STAG1: variants seen among roughly 807,000 people sequenced by gnomAD.
STAG1 encodes the protein STAG1 cohesin complex component.
In STAG1, 26 loss-of-function variants were observed where a neutral mutation model predicts 170.9. The ratio of observed to expected loss-of-function variants is 0.15; its 90% CI spans 0.11 to 0.21. The LOEUF (loss-of-function observed/expected upper bound fraction) is 0.21. Among genes scored for constraint, STAG1 ranks in the 10% least tolerant of loss-of-function variants. STAG1 has a pLI of 1.00. For missense variants in STAG1, 964 were observed against 1,509.5 expected (o/e 0.64, Z 5.99); for synonymous variants, 514 against 497.7 (o/e 1.03, Z -0.44).
chr3:136,470,498 G>A (rs1477778328), intron 12 of STAG1, among the ~76,000 whole-genome samples: 5 of 152,220 alleles, frequency 3.3e-5, no homozygotes, highest in Non-Finnish European at 7.3e-5. Flanking sequence ...AGATGTTGGA[G>A]AGGATGGGGA....
At chr3:136,369,057 T>C (rs1232157309) in intron 24 of STAG1, 51 bp downstream of exon 24, 5 of 1,381,060 alleles carry the variant, frequency 3.6e-6, no homozygotes, top group Non-Finnish European at 4.8e-6. Context: ...CTCCTATCTT[T>C]TGGGGTTGGT....
chr3:136,366,918 GA>G, intron 25 of STAG1, 24 bp downstream of exon 25: 1 of 1,529,510 alleles, frequency 6.5e-7, no homozygotes, highest in South Asian at 1.3e-5. Flanking sequence ...AGAGGAAGGA[GA>G]AAAATAAGAA....
intron 7 of STAG1, among the ~76,000 whole-genome samples, chr3:136,505,417 T>C (rs1322168512): frequency 1.3e-5 from 2 of 152,198 alleles, no homozygotes; most frequent in African/African-American, 2.4e-5. Context: ...GAGCAAAAAA[T>C]TGAAAACATT....
chr3:136,630,750 T>C (rs1460733130), intron 2 of STAG1, 120 bp downstream of exon 2: 5 of 758,292 alleles, frequency 6.6e-6, no homozygotes, highest in South Asian at 4.9e-5. Flanking sequence ...TGCAAAGATA[T>C]TGTCCCAATA....
rs1220765532 is a variant in STAG1, at chr3:136,741,952, CAG to C, written c.-84+10241_-84+10242del. On this transcript the variant is annotated intron_variant, in intron 1 of 33. Coordinates refer to ENST00000383202, the MANE Select transcript of STAG1 (RefSeq NM_005862.3). ...TCAAGGAAAAGATTATTACCAGAAA[CAG>C]AGAGACATTTCATCACAATAAAAAG... Among the ~76,000 whole-genome samples, 3 of 152,052 alleles carry C rather than the reference CAG, an allele frequency of 2.0e-5. No individual in the cohort carries two copies. The East Asian group carries it at 5.8e-4, about 29-fold the overall frequency.
rs543686244 is a variant in STAG1, at chr3:136,501,290, A to G, written c.829-994T>C. 3.3e-5 allele frequency among the ~76,000 whole-genome samples: 5 copies of G among 152,322 alleles called. No individual in the cohort carries two copies. In the East Asian group the frequency reaches 9.6e-4, roughly 29 times the overall value. ...TAATATTTCAAGTATGGTATGTGTG[A>G]AGGGTTAAACTATGTTCCTTAAAAA... On this transcript the variant is annotated intron_variant, in intron 8 of 33. Transcript: ENST00000383202.
intron 4 of STAG1, among the ~76,000 whole-genome samples, chr3:136,590,513 AC>A (rs1485379181): frequency 1.5e-4 from 23 of 152,020 alleles, no homozygotes; most frequent in African/African-American, 5.5e-4. Flanking sequence ...AAAAAAAAAA[AC>A]AAAAACAAAA....
At chr3:136,356,383 A>C (rs1936654501) in intron 28 of STAG1, among the ~76,000 whole-genome samples, 1 of 152,122 alleles carries the variant, frequency 6.6e-6, no homozygotes, top group Admixed American at 6.5e-5. Context: ...GTTATATTTA[A>C]AAAATCGACT....
intron 3 of STAG1, among the ~76,000 whole-genome samples, chr3:136,618,624 G>C (rs151284607): frequency 1.3e-3 from 205 of 152,240 alleles, no homozygotes; most frequent in South Asian, 5.8e-3. Flanking sequence ...GAGGGGTTAA[G>C]GTTAGAGAGG....
Position 136,477,978 on chromosome 3 carries a change from T to C in STAG1, c.903-566A>G, listed in dbSNP as rs947753139. 2.6e-5 allele frequency among the ~76,000 whole-genome samples: 4 copies of C among 151,934 alleles called. No homozygotes were observed. The South Asian group carries it at 6.2e-4, about 24-fold the overall frequency. On this transcript the variant is annotated intron_variant, in intron 9 of 33. Coordinates refer to ENST00000383202, the MANE Select transcript of STAG1 (RefSeq NM_005862.3). The stretch of plus-strand genomic sequence containing the variant: ...GTAATTTTTGTATTTTTAGTAGAGA[T>C]GGGGTTTCATCATATTGGCCAGGGT...
At chr3:136,751,802 C>A (rs1159493066) in intron 1 of STAG1, among the ~76,000 whole-genome samples, 1 of 121,026 alleles carries the variant, frequency 8.3e-6, no homozygotes, top group Non-Finnish European at 1.8e-5. Context: ...CTCCCGAGAG[C>A]CCGGGCGGGG....
intron 13 of STAG1, among the ~76,000 whole-genome samples, chr3:136,464,167 TA>T (rs2089376930): frequency 6.6e-6 from 1 of 152,082 alleles, no homozygotes; most frequent in South Asian, 2.1e-4. Context: ...CTCATGCCTG[TA>T]ATCCCAGCAG....
chr3:136,546,367 C>A (rs148482107), intron 5 of STAG1, among the ~76,000 whole-genome samples: 1 of 151,928 alleles, frequency 6.6e-6, no homozygotes, highest in Non-Finnish European at 1.5e-5. Context: ...TTAAAACATA[C>A]GAAAATTCAT....
chr3:136,439,389 GACACACACACACACACACACACAC>G (rs753912835), intron 15 of STAG1, among the ~76,000 whole-genome samples: 19 of 95,868 alleles, frequency 2.0e-4, no homozygotes, highest in East Asian at 1.0e-3. Flanking sequence ...AACACCCCCC[GACACACACACACACACACACACAC>G]ACACACACAC....
At chr3:136,529,949 G>A (rs1935286650) in intron 6 of STAG1, among the ~76,000 whole-genome samples, 1 of 152,118 alleles carries the variant, frequency 6.6e-6, no homozygotes, top group Non-Finnish European at 1.5e-5. Flanking sequence ...GACCAGATGA[G>A]TAGATAAAAG....
chr3:136,737,169 T>C, intron 1 of STAG1: 5 of 754,568 alleles, frequency 6.6e-6, no homozygotes, highest in Middle Eastern at 2.4e-4. Context: ...CACCTCACTG[T>C]AGAAGGTCAT....
chr3:136,473,588 G>A lies in STAG1; in HGVS notation c.1076C>T (p.Thr359Ile). Residue 359 changes from threonine to isoleucine, a missense_variant, in exon 11 of 34, where the codon ACC (threonine) becomes ATC (isoleucine). Thr to Ile is a moderately conservative substitution (Grantham distance 89, BLOSUM62 -1). Coordinates refer to ENST00000383202, the MANE Select transcript of STAG1 (RefSeq NM_005862.3). ...KCLKALQSLY[T>I]NRELFPKLEL... ...CAATTTGGGGAATAATTCTCTATTG[G>A]TATATAGACTCTGCAGAGCTTTCAA... The A allele has an allele frequency of 1.2e-6, 2 of 1,612,428 alleles. No individual in the cohort carries two copies. The highest frequency in any genetic ancestry group is 1.1e-5 in the South Asian group (1 of 90,918).
At chr3:136,679,774 C>T (rs1942272121) in intron 1 of STAG1, among the ~76,000 whole-genome samples, 1 of 150,456 alleles carries the variant, frequency 6.6e-6, no homozygotes, top group Admixed American at 6.6e-5. Flanking sequence ...TGGTGGTGCA[C>T]GCCTGTAATT....
chr3:136,370,811 C>A (rs1230656627), intron 23 of STAG1, among the ~76,000 whole-genome samples: 1 of 152,156 alleles, frequency 6.6e-6, no homozygotes, highest in East Asian at 1.9e-4. Flanking sequence ...AATAGTGCCG[C>A]AATAAACATA....
Sources: gnomAD v4.1 joint callset for allele counts (sites outside exome capture counted in the v4.1 genomes callset) on GRCh38, gnomAD v4.1.1 for gene constraint, MANE v1.5 for transcripts, NCBI Gene and HGNC (gene_info 2026-07-23, HGNC 2026-07-21) for gene names.